Variants in MBD3 observed in about 807,000 individuals in gnomAD.
MBD3 encodes the protein methyl-CpG binding domain protein 3, also known as methyl-CpG-binding domain protein 3.
A neutral mutation model predicts 31.2 loss-of-function variants in MBD3; 13 were observed. The ratio of observed to expected loss-of-function variants is 0.42; its 90% CI spans 0.27 to 0.66. The LOEUF (loss-of-function observed/expected upper bound fraction) is 0.66. Ranked by LOEUF, MBD3 falls within the 30% of genes least tolerant of loss-of-function variation. The pLI is 0.26. For missense variants in MBD3, 440 were observed against 426.5 expected (o/e 1.03, Z -0.28); for synonymous variants, 223 against 187.4 (o/e 1.19, Z -1.55).
chr19:1,585,657 G>C lies in MBD3; in HGVS notation c.111-443C>G, dbSNP rs1405645716. The C allele has an allele frequency of 4.7e-6, 1 of 213,322 alleles. No homozygotes were observed. Among genetic ancestry groups the C allele is most frequent in the Non-Finnish European group, 9.6e-6 (1 of 104,682 alleles). 13.2% of individuals were successfully genotyped at this position (213,322 alleles called of 1,614,324 possible). ...CTACAGGGCTTTGGGCCCCGGCTCT[G>C]GGAGGATGGCTCACATGTCCAGAAC... On this transcript the variant is annotated intron_variant, in intron 1 of 6. Coordinates refer to ENST00000434436, the MANE Select transcript of MBD3 (RefSeq NM_001281453.2). This position sits in a 1 kb window ranked among gnomAD's most constrained non-coding sequence, Gnocchi z 4.1.
In MBD3 at chr19:1,585,055, C is replaced by A. The variant is rs1461380504; in HGVS notation, c.270G>T (p.Lys90Asn). The change falls in exon 2 of 7, where the codon AAG (lysine) becomes AAT (asparagine). Residue 90 changes from lysine (K) to asparagine (N), a missense_variant and splice_region_variant. Transcript: ENST00000434436. This position sits in a 1 kb window ranked among gnomAD's most constrained non-coding sequence, Gnocchi z 4.1. ...RVRYDSSNQV[K>N]GKPDLNTALP... The stretch of plus-strand genomic sequence containing the variant: ...TCACCTGCGTGACGCCACCACTCAC[C>A]TTGACCTGGTTGGAGGAGTCGTAGC... 6.2e-7 allele frequency: 1 copy of A among 1,611,610 alleles called. No homozygotes were observed. Among genetic ancestry groups the A allele is most frequent in the Non-Finnish European group, 8.5e-7 (1 of 1,179,302 alleles).
intron 5 of MBD3, among the ~76,000 whole-genome samples, chr19:1,579,181 CAAAAAAAAAAA>C (rs57070800): frequency 3.3e-4 from 7 of 21,496 alleles, no homozygotes; most frequent in African/African-American, 6.1e-4. Flanking sequence ...CAGATTCTGC[CAAAAAAAAAAA>C]AAAAAAAAAA....
At chr19:1,587,166 A>T (rs1490013018) in intron 1 of MBD3, among the ~76,000 whole-genome samples, 1 of 145,950 alleles carries the variant, frequency 6.9e-6, no homozygotes, top group Non-Finnish European at 1.5e-5. Context: ...GGGGTTTCAC[A>T]GTGTTAGCCA....
intron 1 of MBD3, among the ~76,000 whole-genome samples, chr19:1,590,642 A>G (rs1202714103): frequency 6.6e-6 from 1 of 152,210 alleles, no homozygotes; most frequent in African/African-American, 2.4e-5. Flanking sequence ...GCTTTTGTGG[A>G]ATGTGAATTA....
chr19:1,575,676 C>A lies in MBD3; in HGVS notation c.*2488G>T, dbSNP rs1916488348. 1 of 158,606 alleles carries A rather than the reference C, an allele frequency of 6.3e-6. No individual in the cohort carries two copies. The highest frequency in any genetic ancestry group is 1.4e-5 in the Non-Finnish European group (1 of 71,698). The allele number at this position is 158,606 out of a possible 1,614,324, so 9.8% of individuals were successfully genotyped here. On this transcript the variant is annotated 3_prime_UTR_variant, in exon 7 of 7. Coordinates refer to ENST00000434436, the MANE Select transcript of MBD3 (RefSeq NM_001281453.2). ...TCCAGGGCAGGGAATTTGACGAGGG[C>A]CTGAGCACTGGGCTGGCCCCTCAGG... is the stretch of plus-strand genomic sequence containing the variant.
rs1917278109 is a variant in MBD3 at position 1,578,768 on chromosome 19, A to G, written c.678-230T>C. Among the ~76,000 whole-genome samples, 1 of 151,736 alleles carries G rather than the reference A, an allele frequency of 6.6e-6. No homozygotes were observed. Among genetic ancestry groups the G allele is most frequent in the African/African-American group, 2.4e-5 (1 of 41,292 alleles). On this transcript the variant is annotated intron_variant, in intron 5 of 6. Coordinates refer to ENST00000434436, the MANE Select transcript of MBD3 (RefSeq NM_001281453.2). This position sits in a 1 kb window ranked among gnomAD's most constrained non-coding sequence, Gnocchi z 6.1. The stretch of plus-strand genomic sequence containing the variant: ...CACCCTCCCAGATGGCCCCCCTGCC[A>G]CCTCTACTGGGACCAAGGGAGGGGC...
At chr19:1,581,906 T>C (rs1917364653) in intron 4 of MBD3, among the ~76,000 whole-genome samples, 1 of 151,984 alleles carries the variant, frequency 6.6e-6, no homozygotes, top group Non-Finnish European at 1.5e-5. Context: ...TAGCTGAGAC[T>C]ACAGGCGGCC....
Position 1,578,397 on chromosome 19 carries a change from T to C in MBD3, c.819A>G (p.Glu273=), listed in dbSNP as rs200509655. 3.6e-4 allele frequency: 572 copies of C among 1,604,078 alleles called. 6 individuals carry two copies. The East Asian group carries it at 8.6e-3, about 24-fold the overall frequency. The change falls in exon 6 of 7, where the codon GAA becomes GAG. Residue 273 remains glutamate, a synonymous_variant. Coordinates refer to ENST00000434436, the MANE Select transcript of MBD3 (RefSeq NM_001281453.2). This position sits in a 1 kb window ranked among gnomAD's most constrained non-coding sequence, Gnocchi z 6.1. ...GCTCCTCCTCCTCCTCCTCCTCGTC[T>C]TCCTCGTCGTCGTCCTCAGCGCAGG... ...DKACAEDDDE[E]DEEEEEEEPD...
rs1285948872 is a variant in MBD3, at chr19:1,585,274, C to G, written c.111-60G>C. 3.3e-6 allele frequency: 5 copies of G among 1,519,446 alleles called. No homozygotes were observed. The highest frequency in any genetic ancestry group is 4.4e-6 in the Non-Finnish European group (5 of 1,135,356). The allele number at this position is 1,519,446 out of a possible 1,614,324, so 94.1% of individuals were successfully genotyped here. Reference sequence around the variant, plus strand: ...GACCCCAGACCCCAAACCCAGGCCTCGGCCGCAGACCCAAACCCAGTCCCA... The same window carrying G: ...GACCCCAGACCCCAAACCCAGGCCTGGGCCGCAGACCCAAACCCAGTCCCA... On this transcript the variant is annotated intron_variant, in intron 1 of 6. Transcript: ENST00000434436. The surrounding 1 kb of genome is among the most constrained non-coding windows in gnomAD (Gnocchi z 4.1).
Position 1,584,526 on chromosome 19 carries a change from T to G in MBD3, c.408+14A>C. ...CCGGCCGGGAAGGCTGGGGTCGCTGTGCGTTGAGCTCACCTGGCGCGGCTG... is the reference window on the plus strand; with the variant it reads ...CCGGCCGGGAAGGCTGGGGTCGCTGGGCGTTGAGCTCACCTGGCGCGGCTG... On this transcript the variant is annotated intron_variant, in intron 3 of 6. Coordinates refer to ENST00000434436, the MANE Select transcript of MBD3 (RefSeq NM_001281453.2). 2 of 1,612,496 alleles carry G rather than the reference T, an allele frequency of 1.2e-6. No homozygotes were observed. Among genetic ancestry groups the G allele is most frequent in the Non-Finnish European group, 1.7e-6 (2 of 1,179,750 alleles).
chr19:1,584,859 C>A, intron 2 of MBD3, 182 bp from the exon 3 acceptor site: 3 of 1,001,048 alleles, frequency 3.0e-6, no homozygotes, highest in Non-Finnish European at 4.1e-6. Context: ...CTCTGGAACG[C>A]CCGCCGCGGG....
chr19:1,582,574 C>A, intron 4 of MBD3, 48 bp downstream of exon 4: 1 of 1,574,094 alleles, frequency 6.4e-7, no homozygotes, highest in South Asian at 1.1e-5. Context: ...AGCACCTCCA[C>A]CCCACCCGGC....
chr19:1,583,692 G>A (rs1447576755), intron 3 of MBD3, among the ~76,000 whole-genome samples: 6 of 152,076 alleles, frequency 3.9e-5, no homozygotes, highest in Admixed American at 2.0e-4. Flanking sequence ...ACCCTGTCTC[G>A]AAAGTGAAAA....
chr19:1,579,987 A>C (rs1287647555), intron 5 of MBD3, among the ~76,000 whole-genome samples: 1 of 152,134 alleles, frequency 6.6e-6, no homozygotes, highest in Non-Finnish European at 1.5e-5. Context: ...TCAACTCCTG[A>C]CCTCAGGTGA....
chr19:1,579,381 G>A (rs2145592885), intron 5 of MBD3, among the ~76,000 whole-genome samples: 1 of 151,680 alleles, frequency 6.6e-6, no homozygotes, highest in African/African-American at 2.4e-5. Flanking sequence ...CAGGGATGGG[G>A]GGCCTCCTCC....
At chr19:1,587,769 G>A (rs532703791) in intron 1 of MBD3, among the ~76,000 whole-genome samples, 1 of 152,268 alleles carries the variant, frequency 6.6e-6, no homozygotes, top group East Asian at 1.9e-4. Flanking sequence ...GTGCTTACTA[G>A]GCCAGGTACC....
At chr19:1,584,116 C>T (rs2060666242) in intron 3 of MBD3, among the ~76,000 whole-genome samples, 1 of 152,238 alleles carries the variant, frequency 6.6e-6, no homozygotes, top group East Asian at 1.9e-4. Flanking sequence ...TGAGTCACCG[C>T]GTGAGGCCAT....
chr19:1,587,612 G>A (rs116719228), intron 1 of MBD3, among the ~76,000 whole-genome samples: 586 of 152,112 alleles, frequency 3.9e-3, no homozygotes, highest in African/African-American at 0.012. Flanking sequence ...ATGGGGACTC[G>A]CTATGTTGCC....
chr19:1,584,747 G>T (rs930909588), intron 2 of MBD3, 70 bp from the exon 3 acceptor site: 11 of 1,505,514 alleles, frequency 7.3e-6, no homozygotes, highest in Admixed American at 1.9e-5. Flanking sequence ...GGGGTGCGGG[G>T]CCCGGGTGAC....
Sources: allele counts gnomAD v4.1 joint callset (sites outside exome capture counted in the v4.1 genomes callset), GRCh38; gene constraint gnomAD v4.1.1; non-coding constraint Gnocchi (gnomAD v3.1); transcripts MANE v1.5; gene names NCBI Gene and HGNC (gene_info 2026-07-23, HGNC 2026-07-21).